IRAK3: variants seen among roughly 807,000 people sequenced by gnomAD.
IRAK3 encodes the protein interleukin 1 receptor associated kinase 3.
Under a neutral mutation model 56.6 loss-of-function variants are expected in IRAK3, and 57 were observed. That is an observed-to-expected ratio of 1.01 (90% CI 0.81 to 1.26). IRAK3 has a LOEUF of 1.26. Ranked by LOEUF, IRAK3 falls within the 50% of genes most tolerant of loss-of-function variation. The pLI is 0.00. For missense variants in IRAK3, 703 were observed against 719.0 expected (o/e 0.98, Z 0.25); for synonymous variants, 258 against 255.7 (o/e 1.01, Z -0.09).
chr12:66,209,021 C>T (rs188326219), intron 2 of IRAK3, among the ~76,000 whole-genome samples: 118 of 146,380 alleles, frequency 8.1e-4, no homozygotes, highest in East Asian at 3.0e-3. Context: ...TGCAATGAGC[C>T]GAGATCATGC....
intron 1 of IRAK3, among the ~76,000 whole-genome samples, chr12:66,195,293 ATCGGTTCCCACC>A (rs1408407886): frequency 6.6e-6 from 1 of 152,114 alleles, no homozygotes; most frequent in Non-Finnish European, 1.5e-5. Context: ...ACCAACCACC[ATCGGTTCCCACC>A]TCTACTATTT....
intron 8 of IRAK3, among the ~76,000 whole-genome samples, chr12:66,235,592 G>A (rs1404726802): frequency 6.6e-6 from 1 of 151,880 alleles, no homozygotes; most frequent in African/African-American, 2.4e-5. Flanking sequence ...CTCTCCCGGC[G>A]GCAGCGGAGG....
At chr12:66,215,276 C>G (rs1476326621) in intron 5 of IRAK3, among the ~76,000 whole-genome samples, 1 of 152,198 alleles carries the variant, frequency 6.6e-6, no homozygotes, top group African/African-American at 2.4e-5. Context: ...CCTACTCTCT[C>G]TGCAGCTGCC....
In IRAK3 at chr12:66,228,316, T is replaced by C; in HGVS notation, c.833T>C (p.Ile278Thr). 6.2e-7 allele frequency: 1 copy of C among 1,614,172 alleles called. No homozygotes were observed. Among genetic ancestry groups the C allele is most frequent in the Non-Finnish European group, 8.5e-7 (1 of 1,180,020 alleles). ...ATATTAATAGGAATATCCAAAGCCA[T>C]TCACTACCTGCACAACGTTCAACCA... is the stretch of plus-strand genomic sequence containing the variant. Reference protein sequence around the residue: ...IGILIGISKAIHYLHNVQPCS... With the variant: ...IGILIGISKATHYLHNVQPCS... The change falls in exon 8 of 12, where the codon ATT (isoleucine) becomes ACT (threonine). Residue 278 changes from isoleucine to threonine, a missense_variant. Physicochemically the swap from Ile to Thr is moderately conservative, Grantham distance 89. Coordinates refer to ENST00000261233, the MANE Select transcript of IRAK3 (RefSeq NM_007199.3).
At chr12:66,202,052 C>T (rs1488728493) in intron 1 of IRAK3, among the ~76,000 whole-genome samples, 2 of 152,124 alleles carry the variant, frequency 1.3e-5, no homozygotes, top group Non-Finnish European at 2.9e-5. Context: ...ACTTTATGTG[C>T]ATTGTAGAAT....
intron 1 of IRAK3, among the ~76,000 whole-genome samples, chr12:66,202,498 G>A (rs773708367): frequency 1.3e-5 from 2 of 152,112 alleles, no homozygotes; most frequent in East Asian, 1.9e-4. Context: ...AAGGCCTGCC[G>A]TGGTAGTTCT....
chr12:66,240,497 A>G (rs1055725377), intron 8 of IRAK3, among the ~76,000 whole-genome samples: 6 of 152,142 alleles, frequency 3.9e-5, no homozygotes, highest in Non-Finnish European at 7.4e-5. Context: ...TGCACACTTA[A>G]GTTGGGGTGG....
At chr12:66,203,559 G>A in intron 1 of IRAK3, 152 bp from the exon 2 acceptor site, 1 of 733,956 alleles carries the variant, frequency 1.4e-6, no homozygotes, top group Non-Finnish European at 2.3e-6. Flanking sequence ...GAAGGCAGGT[G>A]AATATATTCC....
In IRAK3 at chr12:66,211,527, A is replaced by G. The variant is rs1318984923; in HGVS notation, c.518A>G (p.Glu173Gly). 1 of 1,609,886 alleles carries G rather than the reference A, an allele frequency of 6.2e-7. No individual in the cohort carries two copies. The highest frequency in any genetic ancestry group is 8.5e-7 in the Non-Finnish European group (1 of 1,176,162). ...RNFHKDFLIG[E>G]GEIFEVYRVE... ...TTCCACAAAGACTTCCTAATTGGAGAAGGAGAGATTTTTGAGGTATACAGA... is the reference window on the plus strand; with the variant it reads ...TTCCACAAAGACTTCCTAATTGGAGGAGGAGAGATTTTTGAGGTATACAGA... The change falls in exon 5 of 12, where the codon GAA becomes GGA. Residue 173 changes from glutamate (E) to glycine (G), a missense_variant. By Grantham distance (98) the Glu-to-Gly change is moderately conservative (BLOSUM62 -2). Coordinates refer to ENST00000261233, the MANE Select transcript of IRAK3 (RefSeq NM_007199.3).
At position 66,252,255 on chromosome 12, in the gene IRAK3, C is replaced by G; in HGVS notation, c.*4084C>G. The G allele has an allele frequency of 6.6e-6, 1 of 152,174 alleles. No homozygotes were observed. The highest frequency in any genetic ancestry group is 2.1e-4 in the South Asian group (1 of 4,832). The allele number at this position is 152,174 out of a possible 1,614,324, so 9.4% of individuals were successfully genotyped here. ...ACTAACTTGCTAAAATCAAGTCCTC[C>G]CAGTCCTCCCATCAGGTCCTTCCAG... On this transcript the variant is annotated 3_prime_UTR_variant, in exon 12 of 12. Coordinates refer to ENST00000261233, the MANE Select transcript of IRAK3 (RefSeq NM_007199.3).
At position 66,203,744 on chromosome 12, in the gene IRAK3, G is replaced by A. The variant is rs369108977; in HGVS notation, c.167G>A (p.Arg56His). The change falls in exon 2 of 12, where the codon CGT becomes CAT. Residue 56 changes from arginine (R) to histidine (H), a missense_variant. Transcript: ENST00000261233. ...ERLSSSWLDVRHIEKYVDQGK... is the reference protein window; with the variant it reads ...ERLSSSWLDVHHIEKYVDQGK... ...CTTTCAAGCAGCTGGCTGGATGTTCGTCATATTGAAAAGTATGTAGACCAA... is the reference window on the plus strand; with the variant it reads ...CTTTCAAGCAGCTGGCTGGATGTTCATCATATTGAAAAGTATGTAGACCAA... 1.3e-5 allele frequency: 21 copies of A among 1,613,918 alleles called. No individual in the cohort carries two copies. The highest frequency in any genetic ancestry group is 8.9e-5 in the East Asian group (4 of 44,884).
intron 1 of IRAK3, chr12:66,197,573 A>G (rs1240846850): frequency 2.3e-5 from 23 of 985,428 alleles, no homozygotes; most frequent in Non-Finnish European, 2.7e-5. Context: ...AAGAGAAAAC[A>G]TATTTCATTT....
chr12:66,206,041 G>A (rs556910611), intron 2 of IRAK3, among the ~76,000 whole-genome samples: 1 of 152,262 alleles, frequency 6.6e-6, no homozygotes, highest in South Asian at 2.1e-4. Flanking sequence ...TTGTTTTCCA[G>A]TTTTGACACA....
intron 8 of IRAK3, among the ~76,000 whole-genome samples, chr12:66,233,581 A>G (rs995659612): frequency 4.6e-5 from 7 of 151,990 alleles, no homozygotes; most frequent in African/African-American, 1.7e-4. Context: ...AATTACAGCA[A>G]CACTCGCACT....
intron 6 of IRAK3, among the ~76,000 whole-genome samples, chr12:66,222,378 A>G (rs559511239): frequency 5.3e-5 from 8 of 150,876 alleles, no homozygotes; most frequent in South Asian, 2.1e-4. Flanking sequence ...TAGGTTTTCT[A>G]TTTCTTCATG....
rs367600113 is a variant in IRAK3 at position 66,228,282 on chromosome 12, C to T, written c.799C>T (p.Arg267Ter). 3.2e-5 allele frequency: 52 copies of T among 1,613,952 alleles called. 1 individual carries two copies. In the Middle Eastern group the frequency reaches 6.6e-4, roughly 20 times the overall value. Reference protein sequence around the residue: ...GDTAPLPWHIRIGILIGISKA... With the variant: ...GDTAPLPWHI ...CACGGCCCCACTCCCTTGGCACATT[C>T]GAATCGGTATATTAATAGGAATATC... The change falls in exon 8 of 12, where the codon CGA (arginine) becomes TGA (stop). Residue 267 changes from arginine to a stop codon, truncating the protein, a stop_gained. Transcript: ENST00000261233. LOFTEE classifies it high-confidence loss of function.
chr12:66,244,841 A>C, intron 9 of IRAK3, 107 bp from the exon 10 acceptor site: 1 of 1,083,080 alleles, frequency 9.2e-7, no homozygotes, highest in Non-Finnish European at 1.4e-6. Context: ...ATAAAATATA[A>C]AATCATTAAT....
At chr12:66,194,112 G>A (rs544523072) in intron 1 of IRAK3, among the ~76,000 whole-genome samples, 1 of 152,216 alleles carries the variant, frequency 6.6e-6, no homozygotes, top group South Asian at 2.1e-4. Context: ...GTATGGATGG[G>A]GCCAGGCTGG....
rs766334157 is a variant in IRAK3 at position 66,245,156 on chromosome 12, T to C, written c.1208T>C (p.Leu403Pro). ...KRGLDSCLSF[L>P]DKKVPPCPRN... is the part of the protein sequence containing the mutation. The stretch of plus-strand genomic sequence containing the variant: ...GGCCTGGATTCATGTCTCTCATTTC[T>C]AGATAAGAAAGTGCCTCCCTGCCCT... The change falls in exon 11 of 12, where the codon CTA (leucine) becomes CCA (proline). Residue 403 changes from leucine to proline, a missense_variant. Coordinates refer to ENST00000261233, the MANE Select transcript of IRAK3 (RefSeq NM_007199.3). 22 of 1,614,072 alleles carry C rather than the reference T, an allele frequency of 1.4e-5. No homozygotes were observed. The highest frequency in any genetic ancestry group is 1.7e-5 in the Non-Finnish European group (20 of 1,180,028).
Sources: gnomAD v4.1 joint callset for allele counts (sites outside exome capture counted in the v4.1 genomes callset) on GRCh38, gnomAD v4.1.1 for gene constraint, MANE v1.5 for transcripts, NCBI Gene and HGNC (gene_info 2026-07-23, HGNC 2026-07-21) for gene names.